ZDHHC23: variants seen among roughly 807,000 people sequenced by gnomAD.
ZDHHC23 encodes the protein zDHHC palmitoyltransferase 23.
In ZDHHC23, 41 loss-of-function variants were observed where a neutral mutation model predicts 40.2. The ratio of observed to expected loss-of-function variants is 1.02; its 90% CI spans 0.79 to 1.32. The LOEUF is 1.32. Ranked by LOEUF, ZDHHC23 falls within the 40% of genes most tolerant of loss-of-function variation. ZDHHC23 has a pLI of 0.00. For synonymous variants in ZDHHC23, 204 were observed against 210.2 expected (o/e 0.97, Z 0.26); for missense variants, 471 against 541.5 (o/e 0.87, Z 1.29).
chr3:113,967,837 A>G (rs548705995), downstream of ZDHHC23, among the ~76,000 whole-genome samples: 54 of 152,268 alleles, frequency 3.5e-4, no homozygotes, highest in African/African-American at 1.1e-3. Flanking sequence ...TGTATTCTCT[A>G]TCTTCATGAG....
chr3:113,959,930 A>T lies in ZDHHC23; in HGVS notation c.*1300A>T, dbSNP rs552805923. 8.0e-6 allele frequency: 8 copies of T among 998,050 alleles called. No individual in the cohort carries two copies. In the South Asian group the frequency reaches 3.5e-4, roughly 44 times the overall value. 61.8% of individuals were successfully genotyped at this position (998,050 alleles called of 1,614,324 possible). ...AAACCGAAAATGTATAAAAGATTAA[A>T]TATTTATGTACAATGGGTTGTTCTA... On this transcript the variant is annotated 3_prime_UTR_variant, in exon 5 of 5. Transcript: ENST00000638807.
intron 2 of ZDHHC23, among the ~76,000 whole-genome samples, chr3:113,952,367 A>G (rs1335064682): frequency 1.3e-5 from 2 of 152,168 alleles, no homozygotes; most frequent in Non-Finnish European, 2.9e-5. Context: ...TGTCACTTCC[A>G]TCTGAGATCT....
At chr3:113,973,845 C>CTAT in the ZDHHC23 span, among the ~76,000 whole-genome samples, 1 of 151,914 alleles carries the variant, frequency 6.6e-6, no homozygotes, top group African/African-American at 2.4e-5. Flanking sequence ...GGAAAGTTTC[C>CTAT]TATTTTTATT....
At chr3:113,965,066 G>C, downstream of ZDHHC23, 1 of 661,914 alleles carries the variant, frequency 1.5e-6, no homozygotes, top group Non-Finnish European at 2.5e-6. Context: ...GAATAAACCA[G>C]GTGTATGTAT....
chr3:113,956,737 C>A (rs1322599737), intron 4 of ZDHHC23, among the ~76,000 whole-genome samples: 1 of 152,218 alleles, frequency 6.6e-6, no homozygotes, highest in Admixed American at 6.5e-5. Flanking sequence ...TAGTTCTCTA[C>A]AAACAGGACC....
chr3:113,978,293 A>C, the ZDHHC23 span: 1 of 1,613,990 alleles, frequency 6.2e-7, no homozygotes, highest in Non-Finnish European at 8.5e-7. Flanking sequence ...GAAAATGTAC[A>C]CAAAATTTTC....
Position 113,959,968 on chromosome 3 carries a change from G to T in ZDHHC23, c.*1338G>T. On this transcript the variant is annotated 3_prime_UTR_variant, in exon 5 of 5. Coordinates refer to ENST00000638807, the MANE Select transcript of ZDHHC23 (RefSeq NM_001320466.2). ...ATGGGTTGTTCTACTATAGAATTAA[G>T]ATGAGGGAATTTCAGATGAGGAAAA... 1 of 990,560 alleles carries T rather than the reference G, an allele frequency of 1.0e-6. No individual in the cohort carries two copies. 61.4% of individuals were successfully genotyped at this position (990,560 alleles called of 1,614,324 possible). A position where few individuals can be genotyped will look rare whatever the true frequency, so the allele number is the denominator to read the frequency against.
rs371307658 is a variant in ZDHHC23 at position 113,958,505 on chromosome 3, C to T, written c.1183C>T (p.Arg395Cys). 1.2e-5 allele frequency: 20 copies of T among 1,613,862 alleles called. No individual in the cohort carries two copies. The highest frequency in any genetic ancestry group is 8.0e-5 in the African/African-American group (6 of 74,926). Residue 395 changes from arginine (R) to cysteine (C), a missense_variant, in exon 5 of 5, where the codon CGC becomes TGC. Physicochemically the swap from Arg to Cys is radical, Grantham distance 180 (BLOSUM62 -3). This residue lies in a region of ZDHHC23 where 346 missense variants were observed against 399.8 expected (regional missense o/e 0.87). Transcript: ENST00000638807. The stretch of plus-strand genomic sequence containing the variant: ...GCAGGCCCTCCGACAGAAGACTGGG[C>T]GCCGGCTCCTCTGCGGGCTCATCGT... ...VQQALRQKTG[R>C]RLLCGLIVDT...
downstream of ZDHHC23, among the ~76,000 whole-genome samples, chr3:113,963,653 C>T (rs943625368): frequency 1.3e-5 from 2 of 151,104 alleles, no homozygotes; most frequent in African/African-American, 2.4e-5. Context: ...GGAGGATCAC[C>T]TGAGTCTGAG....
At chr3:113,972,266 A>G in the ZDHHC23 span, among the ~76,000 whole-genome samples, 3 of 152,024 alleles carry the variant, frequency 2.0e-5, no homozygotes, top group Non-Finnish European at 4.4e-5. Flanking sequence ...ATAGATTTTG[A>G]TCTATGATAT....
downstream of ZDHHC23, among the ~76,000 whole-genome samples, chr3:113,967,483 T>C (rs1426016820): frequency 6.6e-6 from 1 of 152,238 alleles, no homozygotes; most frequent in Admixed American, 6.5e-5. Context: ...ATTTATAGCC[T>C]ATCTATAGCT....
chr3:113,948,629 A>T, intron 1 of ZDHHC23, 57 bp from the exon 2 acceptor site: 1 of 676,076 alleles, frequency 1.5e-6, no homozygotes, highest in Non-Finnish European at 2.4e-6. Context: ...GGAGCCACAG[A>T]AGCCTGATGA....
At chr3:113,969,728 C>G (rs1940610500), downstream of ZDHHC23, among the ~76,000 whole-genome samples, 1 of 152,232 alleles carries the variant, frequency 6.6e-6, no homozygotes, top group South Asian at 2.1e-4. Context: ...TATGCCAGTA[C>G]CAAGCTGTTT....
chr3:113,967,644 T>C (rs1375194131), downstream of ZDHHC23, among the ~76,000 whole-genome samples: 3 of 152,218 alleles, frequency 2.0e-5, no homozygotes, highest in African/African-American at 7.2e-5. Flanking sequence ...ATGGGGACAT[T>C]CAAGTTATTC....
chr3:113,954,017 T>A lies in ZDHHC23; in HGVS notation c.479T>A (p.Val160Glu). Residue 160 changes from valine (V) to glutamate (E), a missense_variant, in exon 3 of 5, where the codon GTG becomes GAG. By Grantham distance (121) the Val-to-Glu change is moderately radical. Coordinates refer to ENST00000638807, the MANE Select transcript of ZDHHC23 (RefSeq NM_001320466.2). ...GYMYYVFLQE[V>E]VPKGRVGPVQ... ...ATGTACTATGTGTTCCTGCAGGAAG[T>A]GGTCCCCAAAGGGCGTGTGGGTCCC... 6.2e-7 allele frequency: 1 copy of A among 1,614,168 alleles called. No homozygotes were observed. The highest frequency in any genetic ancestry group is 8.5e-7 in the Non-Finnish European group (1 of 1,180,028).
At chr3:113,956,173 G>A (rs1310900103) in intron 3 of ZDHHC23, among the ~76,000 whole-genome samples, 166 bp from the exon 4 acceptor site, 1 of 152,130 alleles carries the variant, frequency 6.6e-6, no homozygotes, top group African/African-American at 2.4e-5. Context: ...CCGGGACCCG[G>A]GAGGCAGAGG....
rs1302281531 is a variant in ZDHHC23 at position 113,958,614 on chromosome 3, C to T, written c.1292C>T (p.Ala431Val). ...GGCACACGTGCATTCCACCACCCTG[C>T]CGAGGACATTGTCTGAAGTGCCTTC... The part of the protein sequence containing the change: ...TLGTRAFHHP[A>V]EDIV Residue 431 changes from alanine (A) to valine (V), a missense_variant, in exon 5 of 5, where the codon GCC (alanine) becomes GTC (valine). Ala to Val is a moderately conservative substitution (Grantham distance 64). This residue lies in a region of ZDHHC23 where 346 missense variants were observed against 399.8 expected (regional missense o/e 0.87). Transcript: ENST00000638807. 1 of 1,599,742 alleles carries T rather than the reference C, an allele frequency of 6.3e-7. No individual in the cohort carries two copies. Among genetic ancestry groups the T allele is most frequent in the Non-Finnish European group, 8.5e-7 (1 of 1,178,766 alleles).
At position 113,948,716 on chromosome 3, in the gene ZDHHC23, G is replaced by C; in HGVS notation, c.-87G>C. 1 of 1,497,968 alleles carries C rather than the reference G, an allele frequency of 6.7e-7. No individual in the cohort carries two copies. Among genetic ancestry groups the C allele is most frequent in the Middle Eastern group, 1.9e-4 (1 of 5,220 alleles). The allele number at this position is 1,497,968 out of a possible 1,614,324, so 92.8% of individuals were successfully genotyped here. On this transcript the variant is annotated 5_prime_UTR_variant, in exon 2 of 5. Transcript: ENST00000638807. Reference sequence around the variant, plus strand: ...GGAGGTTAAGCAGAGAGAGAGAGGCGTGGACCTATTTACGAGATGTAAGTT... The same window carrying C: ...GGAGGTTAAGCAGAGAGAGAGAGGCCTGGACCTATTTACGAGATGTAAGTT...
At position 113,948,810 on chromosome 3, in the gene ZDHHC23, A is replaced by T. The variant is rs1161212958; in HGVS notation, c.8A>T (p.Gln3Leu). Reference protein sequence around the residue: MTQKGSMKPVKKK... With the variant: MTLKGSMKPVKKK... ...TGGTGACAGGTGCAAATCATGACAC[A>T]GAAGGGCAGTATGAAGCCTGTGAAG... The change falls in exon 2 of 5, where the codon CAG becomes CTG. Residue 3 changes from glutamine (Q) to leucine (L), a missense_variant. Transcript: ENST00000638807. The T allele has an allele frequency of 1.9e-6, 3 of 1,614,106 alleles. No individual in the cohort carries two copies. Among genetic ancestry groups the T allele is most frequent in the Non-Finnish European group, 2.5e-6 (3 of 1,180,040 alleles).
Sources: gnomAD v4.1 joint callset for allele counts (sites outside exome capture counted in the v4.1 genomes callset) on GRCh38, gnomAD v4.1.1 for gene constraint, gnomAD v4.1.1 regional missense constraint, MANE v1.5 for transcripts, NCBI Gene and HGNC (gene_info 2026-07-23, HGNC 2026-07-21) for gene names.